MICU3: variants seen among roughly 807,000 people sequenced by gnomAD.
MICU3 encodes the protein mitochondrial calcium uptake 3.
MICU3 carries 62 observed loss-of-function variants against 66.5 expected under a neutral mutation model. That is an observed-to-expected ratio of 0.93 (90% CI 0.76 to 1.15). The LOEUF (loss-of-function observed/expected upper bound fraction) is 1.15, where lower values mean the gene tolerates loss of function less well. MICU3 is among the 50% of genes most tolerant of loss of function. MICU3 has a pLI of 0.00. For synonymous variants in MICU3, 308 were observed against 240.7 expected, an observed-to-expected ratio of 1.28 and a Z score of -2.59; for missense variants, 779 against 664.4, an observed-to-expected ratio of 1.17 and a Z score of -1.90.
chr8:17,084,175 C>T (rs1475730712), intron 5 of MICU3, among the ~76,000 whole-genome samples: 1 of 152,068 alleles, frequency 6.6e-6, no homozygotes, highest in Non-Finnish European at 1.5e-5. Flanking sequence ...GTGTCTCCCT[C>T]TTTACTTTGT....
intron 1 of MICU3, among the ~76,000 whole-genome samples, chr8:17,050,855 T>TG (rs1360823317): frequency 7.9e-5 from 12 of 152,210 alleles, no homozygotes; most frequent in East Asian, 5.8e-4. Flanking sequence ...TCTTTTTCAA[T>TG]GGGGGGGTTT....
In MICU3 at chr8:17,056,268, A is replaced by G. The variant is rs187133549; in HGVS notation, c.382-7816A>G. Reference sequence around the variant, plus strand: ...TTCTTTGAATAGTGGGCTTCAGTCAATTTGCCTGCTGCTTGAACCTCTTTG... The same window carrying G: ...TTCTTTGAATAGTGGGCTTCAGTCAGTTTGCCTGCTGCTTGAACCTCTTTG... On this transcript the variant is annotated intron_variant, in intron 1 of 14. Coordinates refer to ENST00000318063, the MANE Select transcript of MICU3 (RefSeq NM_181723.3). Among the ~76,000 whole-genome samples, 247 of 152,174 alleles carry G rather than the reference A, an allele frequency of 1.6e-3. 1 individual carries two copies. The highest frequency in any genetic ancestry group is 4.6e-3 in the African/African-American group (192 of 41,522).
chr8:17,112,278 C>G (rs572598221), intron 11 of MICU3, among the ~76,000 whole-genome samples: 2 of 152,290 alleles, frequency 1.3e-5, no homozygotes, highest in East Asian at 1.9e-4. Context: ...ATGTTTTCAG[C>G]TTTTCAGTTA....
At chr8:17,120,046 CTAAG>C (rs755031255) in intron 14 of MICU3, among the ~76,000 whole-genome samples, 10 of 152,158 alleles carry the variant, frequency 6.6e-5, no homozygotes, top group Non-Finnish European at 1.5e-4. Flanking sequence ...ACCACTGATT[CTAAG>C]TAATAGTGCG....
chr8:17,064,318 T>G lies in MICU3; in HGVS notation c.535+81T>G, dbSNP rs1818345493. The G allele has an allele frequency of 2.7e-6, 3 of 1,094,054 alleles. No homozygotes were observed. In the Admixed American group the frequency reaches 7.1e-5, roughly 26 times the overall value. 67.8% of individuals were successfully genotyped at this position (1,094,054 alleles called of 1,614,324 possible). A position where few individuals can be genotyped will look rare whatever the true frequency, so the allele number is the denominator to read the frequency against. ...TGTGAATGGATGGAGCAGTATAAGT[T>G]TTTTAGAAGAACTGAGTAATGTGGT... On this transcript the variant is annotated intron_variant, in intron 2 of 14. Transcript: ENST00000318063.
chr8:17,053,734 C>T (rs904468596), intron 1 of MICU3, among the ~76,000 whole-genome samples: 26 of 152,136 alleles, frequency 1.7e-4, no homozygotes, highest in African/African-American at 4.8e-4. Flanking sequence ...ATCATTTCAA[C>T]GTAAATTCTC....
intron 1 of MICU3, among the ~76,000 whole-genome samples, chr8:17,037,901 T>A (rs1813322418): frequency 6.6e-6 from 1 of 152,232 alleles, no homozygotes. Context: ...AAGATTTGCC[T>A]GTCCTGTTGG....
rs1329299544 is a variant in MICU3, at chr8:17,105,395, A to G, written c.1086-18A>G. On this transcript the variant is annotated intron_variant, in intron 10 of 14. Transcript: ENST00000318063. ...TCTTTCTTTATCTTTTTCCTTCTTTATTACATTTTTGTCATAGATTCATGG... is the reference window on the plus strand; with the variant it reads ...TCTTTCTTTATCTTTTTCCTTCTTTGTTACATTTTTGTCATAGATTCATGG... 2.1e-6 allele frequency: 3 copies of G among 1,430,254 alleles called. No homozygotes were observed. Among genetic ancestry groups the G allele is most frequent in the African/African-American group, 1.5e-5 (1 of 68,434 alleles). The allele number at this position is 1,430,254 out of a possible 1,614,324, so 88.6% of individuals were successfully genotyped here. A position where few individuals can be genotyped will look rare whatever the true frequency, so the allele number is the denominator to read the frequency against.
intron 9 of MICU3, among the ~76,000 whole-genome samples, chr8:17,102,981 ATATT>A (rs1227440099): frequency 6.6e-6 from 1 of 151,992 alleles, no homozygotes; most frequent in African/African-American, 2.4e-5. Flanking sequence ...TGTGAATAGA[ATATT>A]TAGTCGATTA....
the MICU3 span, among the ~76,000 whole-genome samples, chr8:17,138,164 A>G: frequency 6.6e-6 from 1 of 152,104 alleles, no homozygotes; most frequent in Non-Finnish European, 1.5e-5. Flanking sequence ...ATGTTTAAAG[A>G]GTTATGATGT....
chr8:17,138,488 G>GA, the MICU3 span, among the ~76,000 whole-genome samples: 381 of 152,102 alleles, frequency 2.5e-3, no homozygotes, highest in African/African-American at 8.5e-3. Context: ...CAGCTGCAAA[G>GA]AAAAAAATGC....
intron 13 of MICU3, among the ~76,000 whole-genome samples, chr8:17,117,177 T>C (rs2150838749): frequency 6.6e-6 from 1 of 151,992 alleles, no homozygotes; most frequent in East Asian, 1.9e-4. Flanking sequence ...ACGAGGTCAC[T>C]CTGTTGCCCA....
intron 1 of MICU3, among the ~76,000 whole-genome samples, chr8:17,040,363 T>G (rs774902237): frequency 6.6e-6 from 1 of 152,348 alleles, no homozygotes; most frequent in East Asian, 1.9e-4. Context: ...TAAATTACAA[T>G]TTTTCTAATT....
intron 1 of MICU3, among the ~76,000 whole-genome samples, chr8:17,044,877 C>T (rs998865393): frequency 6.6e-6 from 1 of 152,196 alleles, no homozygotes; most frequent in Admixed American, 6.5e-5. Context: ...CTTACCTATG[C>T]TCCTGGAGCT....
intron 3 of MICU3, among the ~76,000 whole-genome samples, chr8:17,076,289 C>T (rs541759741): frequency 6.6e-6 from 1 of 152,276 alleles, no homozygotes; most frequent in South Asian, 2.1e-4. Flanking sequence ...CCCACCTCAG[C>T]CTCCCAAAGT....
intron 1 of MICU3, among the ~76,000 whole-genome samples, chr8:17,035,762 G>C (rs906869268): frequency 6.6e-6 from 1 of 152,176 alleles, no homozygotes; most frequent in Non-Finnish European, 1.5e-5. Flanking sequence ...GAGCATAAAA[G>C]TTCAGAAAGT....
At chr8:17,031,624 A>G (rs1264005663) in intron 1 of MICU3, among the ~76,000 whole-genome samples, 1 of 152,030 alleles carries the variant, frequency 6.6e-6, no homozygotes, top group East Asian at 1.9e-4. Context: ...GATATAAATG[A>G]TTCATTTTGA....
chr8:17,111,286 G>A (rs752107783), intron 11 of MICU3, among the ~76,000 whole-genome samples: 2 of 151,810 alleles, frequency 1.3e-5, no homozygotes, highest in East Asian at 1.9e-4. Flanking sequence ...CTCCCATTTT[G>A]TGGATTGTCT....
rs532391116 is a variant in MICU3 at position 17,064,958 on chromosome 8, G to A, written c.535+721G>A. ...CTATAGATGGTGGTAAAAGAGTAAT[G>A]AGAACCGAGGATTTCTGGCTGGCTT... On this transcript the variant is annotated intron_variant, in intron 2 of 14. Coordinates refer to ENST00000318063, the MANE Select transcript of MICU3 (RefSeq NM_181723.3). 9.6e-4 allele frequency among the ~76,000 whole-genome samples: 146 copies of A among 152,242 alleles called. 1 individual carries two copies. The highest frequency in any genetic ancestry group is 2.0e-3 in the Admixed American group (30 of 15,290).
Sources: gnomAD v4.1 joint callset for allele counts (sites outside exome capture counted in the v4.1 genomes callset) on GRCh38, gnomAD v4.1.1 for gene constraint, MANE v1.5 for transcripts, NCBI Gene and HGNC (gene_info 2026-07-23, HGNC 2026-07-21) for gene names.